UQCC1: variants seen among roughly 807,000 people sequenced by gnomAD.
The protein encoded by UQCC1 is bFGF-repressed Zic-binding protein.
Under a neutral mutation model 48.0 loss-of-function variants are expected in UQCC1, and 38 were observed. The observed-to-expected ratio is 0.79, with a 90% CI of 0.61 to 1.04. The LOEUF (loss-of-function observed/expected upper bound fraction) is 1.04. Among genes scored for constraint, UQCC1 ranks in the 50% least tolerant of loss-of-function variants. The pLI, the probability that UQCC1 is intolerant of heterozygous loss-of-function variation, is 0.00. For synonymous variants in UQCC1, 111 were observed against 129.2 expected (o/e 0.86, Z 0.95); for missense variants, 368 against 381.8 (o/e 0.96, Z 0.30).
At chr20:35,396,088 G>C (rs533712285) in intron 1 of UQCC1, among the ~76,000 whole-genome samples, 8 of 148,576 alleles carry the variant, frequency 5.4e-5, no homozygotes, top group Non-Finnish European at 1.2e-4. Context: ...GGGTTCAAGC[G>C]ATTCTTACGC....
intron 4 of UQCC1, among the ~76,000 whole-genome samples, chr20:35,378,719 CACAGTCAACCA>C (rs1184574910): frequency 6.6e-6 from 1 of 152,206 alleles, no homozygotes; most frequent in Non-Finnish European, 1.5e-5. Flanking sequence ...ATTCTTGATT[CACAGTCAACCA>C]TCTGGGCCTC....
At chr20:35,326,015 C>G (rs1321383124) in intron 7 of UQCC1, among the ~76,000 whole-genome samples, 2 of 152,120 alleles carry the variant, frequency 1.3e-5, no homozygotes, top group African/African-American at 4.8e-5. Flanking sequence ...GGTTTAAGCA[C>G]AGGGAAATTG....
intron 1 of UQCC1, among the ~76,000 whole-genome samples, chr20:35,403,167 T>G (rs1052024475): frequency 1.3e-5 from 2 of 152,178 alleles, no homozygotes; most frequent in Non-Finnish European, 2.9e-5. Context: ...AGGAAAGATT[T>G]GAATAAATCA....
intron 7 of UQCC1, chr20:35,344,053 A>G (rs1011980248): frequency 2.0e-5 from 3 of 152,236 alleles, no homozygotes; most frequent in African/African-American, 4.8e-5. Flanking sequence ...ATCAGAGACT[A>G]ATAAAGCAGG....
intron 5 of UQCC1, among the ~76,000 whole-genome samples, chr20:35,372,453 G>T (rs2061745172): frequency 6.6e-6 from 1 of 152,134 alleles, no homozygotes; most frequent in Non-Finnish European, 1.5e-5. Context: ...TATGAATAAA[G>T]AAGAAAGGAA....
chr20:35,392,570 G>A (rs947481852), intron 2 of UQCC1, among the ~76,000 whole-genome samples: 1 of 152,082 alleles, frequency 6.6e-6, no homozygotes, highest in Admixed American at 6.6e-5. Flanking sequence ...TTAAAAATTT[G>A]TACAAAAAGT....
chr20:35,334,348 A>T (rs1171526688), intron 7 of UQCC1, among the ~76,000 whole-genome samples: 1 of 152,212 alleles, frequency 6.6e-6, no homozygotes, highest in African/African-American at 2.4e-5. Context: ...CTCAAAATGG[A>T]GCTAGTCTGG....
rs1295571759 is a variant in UQCC1 at position 35,381,122 on chromosome 20, CATTT to C, written c.333+792_333+795del. ...ATCTGAGGCAGAGAGGACATTCATT[CATTT>C]ATAGCCACTACTATTATAACAGATA... On this transcript the variant is annotated intron_variant, in intron 4 of 9. Coordinates refer to ENST00000374385, the MANE Select transcript of UQCC1 (RefSeq NM_018244.5). Among the ~76,000 whole-genome samples, 4 of 152,300 alleles carry C rather than the reference CATTT, an allele frequency of 2.6e-5. No homozygotes were observed. In the East Asian group the frequency reaches 5.8e-4, roughly 22 times the overall value.
chr20:35,341,218 CA>C (rs61675932), intron 7 of UQCC1, among the ~76,000 whole-genome samples: 2,128 of 115,766 alleles, frequency 0.018, 38 homozygotes, highest in African/African-American at 0.07. Flanking sequence ...GAGACTCCGT[CA>C]AAAAAAAAAA....
chr20:35,403,585 C>T (rs1401102353), intron 1 of UQCC1, among the ~76,000 whole-genome samples: 1 of 152,188 alleles, frequency 6.6e-6, no homozygotes, highest in East Asian at 1.9e-4. Context: ...GATTATAAAT[C>T]ATGCTGCTAT....
intron 2 of UQCC1, among the ~76,000 whole-genome samples, chr20:35,384,854 T>C (rs2061919561): frequency 1.3e-5 from 2 of 149,608 alleles, no homozygotes; most frequent in Non-Finnish European, 3.0e-5. Flanking sequence ...GTAATCCCAG[T>C]TACTCAGGAG....
intron 6 of UQCC1, among the ~76,000 whole-genome samples, chr20:35,347,989 A>C (rs2061449464): frequency 6.6e-6 from 1 of 152,252 alleles, no homozygotes; most frequent in South Asian, 2.1e-4. Flanking sequence ...ACACCTGTCC[A>C]GAACACAGAT....
chr20:35,381,814 A>C, intron 4 of UQCC1, 104 bp downstream of exon 4: 1 of 727,288 alleles, frequency 1.4e-6, no homozygotes, highest in Non-Finnish European at 2.4e-6. Context: ...ATCCAAAATA[A>C]TGTATGAATT....
intron 7 of UQCC1, among the ~76,000 whole-genome samples, chr20:35,322,953 T>C (rs190568499): frequency 2.0e-5 from 3 of 151,790 alleles, no homozygotes; most frequent in Admixed American, 2.0e-4. Flanking sequence ...GTTCACGCCA[T>C]TCTCCTGCCT....
chr20:35,348,914 C>T (rs1248795257), intron 6 of UQCC1, among the ~76,000 whole-genome samples: 3 of 152,262 alleles, frequency 2.0e-5, no homozygotes, highest in South Asian at 2.1e-4. Context: ...TTTAGCCTCC[C>T]GAAGTGTGGG....
rs185782682 is a variant in UQCC1 at position 35,404,397 on chromosome 20, G to A, written c.24+7543C>T. 5.9e-3 allele frequency among the ~76,000 whole-genome samples: 864 copies of A among 146,692 alleles called. 4 individuals carry two copies. The highest frequency in any genetic ancestry group is 0.03 in the Middle Eastern group (8 of 270). ...AAAAAAAAAAAAAACAAAATTAGCC[G>A]GGCATGGTGGCAGGCGCCTGTAGTC... On this transcript the variant is annotated intron_variant, in intron 1 of 9. Transcript: ENST00000374385.
At chr20:35,323,230 A>G (rs1600871995) in intron 7 of UQCC1, among the ~76,000 whole-genome samples, 1 of 152,354 alleles carries the variant, frequency 6.6e-6, no homozygotes, top group Middle Eastern at 3.4e-3. Flanking sequence ...ACAAGCACAA[A>G]GCTAAAATTG....
chr20:35,367,113 AC>A (rs1411438712), intron 5 of UQCC1, among the ~76,000 whole-genome samples: 5 of 149,384 alleles, frequency 3.3e-5, no homozygotes, highest in Admixed American at 6.7e-5. Flanking sequence ...AAAAAAACAA[AC>A]AAAAAAACAA....
chr20:35,351,649 T>C (rs1385949752), intron 6 of UQCC1, among the ~76,000 whole-genome samples: 1 of 152,244 alleles, frequency 6.6e-6, no homozygotes, highest in Non-Finnish European at 1.5e-5. Context: ...GGTAATGGAA[T>C]TCTTCATTTA....
Sources: allele counts gnomAD v4.1 joint callset (sites outside exome capture counted in the v4.1 genomes callset), GRCh38; gene constraint gnomAD v4.1.1; transcripts MANE v1.5; gene names NCBI Gene and HGNC (gene_info 2026-07-23, HGNC 2026-07-21).